The following FGF12 variants were observed in gnomAD, a reference collection of about 807,000 sequenced individuals.
FGF12 encodes the protein fibroblast growth factor 12B.
FGF12 carries 14 observed loss-of-function variants against 23.6 expected under a neutral mutation model. That is an observed-to-expected ratio of 0.59 (90% CI 0.39 to 0.93). The LOEUF (loss-of-function observed/expected upper bound fraction) is 0.93. Ranked by LOEUF, FGF12 falls within the 40% of genes least tolerant of loss-of-function variation. The pLI is 0.00. For missense variants in FGF12, 175 were observed against 217.8 expected (o/e 0.80, Z 1.24); for synonymous variants, 62 against 77.3 (o/e 0.80, Z 1.04).
At chr3:192,351,427 AT>A (rs1265602872) in intron 3 of FGF12, among the ~76,000 whole-genome samples, 2 of 152,236 alleles carry the variant, frequency 1.3e-5, no homozygotes, top group Non-Finnish European at 2.9e-5. Flanking sequence ...AATCGGTGAT[AT>A]TTAAGGGGTT....
intron 2 of FGF12, among the ~76,000 whole-genome samples, chr3:192,633,114 C>T (rs937223010): frequency 1.3e-5 from 2 of 152,112 alleles, no homozygotes; most frequent in African/African-American, 4.8e-5. Flanking sequence ...GGCATGATCT[C>T]GGCTCACTGC....
intron 2 of FGF12, among the ~76,000 whole-genome samples, chr3:192,711,267 G>A (rs921119649): frequency 3.2e-5 from 4 of 124,110 alleles, no homozygotes; most frequent in Non-Finnish European, 6.2e-5. Context: ...CCGGCCAGCC[G>A]CCCCGTCCGG....
At chr3:192,718,194 G>A (rs1439086486) in intron 2 of FGF12, among the ~76,000 whole-genome samples, 2 of 122,772 alleles carry the variant, frequency 1.6e-5, no homozygotes, top group African/African-American at 3.5e-5. Context: ...TTAGCAAGAA[G>A]GTGCTGGTTA....
chr3:192,703,409 T>C (rs933937295), intron 2 of FGF12, among the ~76,000 whole-genome samples: 1 of 152,198 alleles, frequency 6.6e-6, no homozygotes, highest in African/African-American at 2.4e-5. Context: ...CAATTCGTAA[T>C]CTTTTTGCTG....
intron 2 of FGF12, among the ~76,000 whole-genome samples, chr3:192,520,832 G>A (rs533181023): frequency 1.3e-5 from 2 of 152,056 alleles, no homozygotes; most frequent in East Asian, 3.9e-4. Context: ...TATCTTGCCT[G>A]TGTTTCTTTT....
chr3:192,179,921 T>C (rs999723709), intron 4 of FGF12, among the ~76,000 whole-genome samples: 1 of 152,064 alleles, frequency 6.6e-6, no homozygotes, highest in Non-Finnish European at 1.5e-5. Flanking sequence ...CTCTCCTTAC[T>C]CCTGGTTACA....
intron 5 of FGF12, among the ~76,000 whole-genome samples, chr3:192,167,758 TA>T (rs1560175650): frequency 0.025 from 825 of 33,200 alleles, 40 homozygotes; most frequent in South Asian, 0.044. Flanking sequence ...TATATATATA[TA>T]TATATATATA....
chr3:192,653,720 C>CTTTTTT (rs34906808), intron 2 of FGF12, among the ~76,000 whole-genome samples: 67 of 140,880 alleles, frequency 4.8e-4, no homozygotes, highest in African/African-American at 1.5e-3. Flanking sequence ...TCATTTGAGG[C>CTTTTTT]TTTTTTTTTT....
intron 5 of FGF12, among the ~76,000 whole-genome samples, chr3:192,154,389 T>C (rs1466082365): frequency 8.2e-6 from 1 of 121,938 alleles, no homozygotes; most frequent in Admixed American, 8.4e-5. Flanking sequence ...GGAGAGACGC[T>C]CTGCATTTTA....
intron 2 of FGF12, among the ~76,000 whole-genome samples, chr3:192,448,597 A>T (rs1722430776): frequency 6.6e-6 from 1 of 152,158 alleles, no homozygotes; most frequent in Non-Finnish European, 1.5e-5. Flanking sequence ...ACTATGCTTC[A>T]ATTCTAAGTT....
chr3:192,325,505 G>A lies in FGF12; in HGVS notation c.228+9856C>T, dbSNP rs545390694. Among the ~76,000 whole-genome samples, 17 of 151,944 alleles carry A rather than the reference G, an allele frequency of 1.1e-4. No individual in the cohort carries two copies. In the East Asian group the frequency reaches 1.4e-3, roughly 12 times the overall value. ...AGGTTCTTGTTTCTCTCTCTCTCTCGTCTTTCACTTTTCTGAGACGTCACT... is the reference window on the plus strand; with the variant it reads ...AGGTTCTTGTTTCTCTCTCTCTCTCATCTTTCACTTTTCTGAGACGTCACT... On this transcript the variant is annotated intron_variant, in intron 4 of 5. Coordinates refer to ENST00000445105, the MANE Select transcript of FGF12 (RefSeq NM_004113.6).
At chr3:192,303,926 C>A (rs1236176941) in intron 4 of FGF12, among the ~76,000 whole-genome samples, 4 of 152,162 alleles carry the variant, frequency 2.6e-5, no homozygotes, top group Non-Finnish European at 5.9e-5. Context: ...AGAGAAACAG[C>A]ATTTAATATA....
At chr3:192,440,912 C>A (rs1722183876) in intron 2 of FGF12, among the ~76,000 whole-genome samples, 1 of 152,202 alleles carries the variant, frequency 6.6e-6, no homozygotes, top group Non-Finnish European at 1.5e-5. Context: ...TATAGAATTT[C>A]TCTCCAAGTT....
intron 2 of FGF12, among the ~76,000 whole-genome samples, chr3:192,573,504 C>A (rs962645703): frequency 7.2e-5 from 11 of 152,078 alleles, no homozygotes; most frequent in Admixed American, 1.3e-4. Context: ...GAAATTCCTA[C>A]CTGAAGGCCT....
chr3:192,640,795 T>TGTTTG (rs1553842599), intron 2 of FGF12, among the ~76,000 whole-genome samples: 1 of 150,014 alleles, frequency 6.7e-6, no homozygotes, highest in Non-Finnish European at 1.5e-5. Flanking sequence ...AACCCCTTTT[T>TGTTTG]TTTGTTTGTT....
intron 2 of FGF12, among the ~76,000 whole-genome samples, chr3:192,580,520 T>G (rs1713089558): frequency 6.6e-6 from 1 of 152,220 alleles, no homozygotes; most frequent in Non-Finnish European, 1.5e-5. Context: ...ACATAGTTTA[T>G]GTCTGAGAGG....
chr3:192,170,659 G>T lies in FGF12; in HGVS notation c.229-3C>A, dbSNP rs1251652093. The T allele has an allele frequency of 2.0e-6, 3 of 1,519,686 alleles. No homozygotes were observed. Among genetic ancestry groups the T allele is most frequent in the Admixed American group, 2.1e-5 (1 of 46,616 alleles). The allele number at this position is 1,519,686 out of a possible 1,614,324, so 94.1% of individuals were successfully genotyped here. ...TTGCATTCTGGAGTGAAAACATCCTGTAGGAAAAAAAAAAAAAGACACAAA... is the reference window on the plus strand; with the variant it reads ...TTGCATTCTGGAGTGAAAACATCCTTTAGGAAAAAAAAAAAAAGACACAAA... On this transcript the variant is annotated splice_region_variant and splice_polypyrimidine_tract_variant and intron_variant, in intron 4 of 5. Transcript: ENST00000445105.
intron 4 of FGF12, among the ~76,000 whole-genome samples, chr3:192,209,357 A>G (rs1414181168): frequency 6.6e-6 from 1 of 152,176 alleles, no homozygotes; most frequent in Non-Finnish European, 1.5e-5. Flanking sequence ...AAAAATAGAA[A>G]GCTGGGTTCC....
In FGF12 at chr3:192,333,405, T is replaced by G. The variant is rs1029255699; in HGVS notation, c.228+1956A>C. ...TAAGACTAACTAGAAATATTCAAAATAACATCCTCTTGCCTTTTTTAATTT... is the reference window on the plus strand; with the variant it reads ...TAAGACTAACTAGAAATATTCAAAAGAACATCCTCTTGCCTTTTTTAATTT... On this transcript the variant is annotated intron_variant, in intron 4 of 5. Transcript: ENST00000445105. Among the ~76,000 whole-genome samples, 8 of 152,208 alleles carry G rather than the reference T, an allele frequency of 5.3e-5. 2 individuals are homozygous for G.
Sources: allele counts gnomAD v4.1 joint callset (sites outside exome capture counted in the v4.1 genomes callset), GRCh38; gene constraint gnomAD v4.1.1; transcripts MANE v1.5; gene names NCBI Gene and HGNC (gene_info 2026-07-23, HGNC 2026-07-21).